AKR1C3: variants seen among roughly 807,000 people sequenced by gnomAD.
AKR1C3 encodes the protein 3-alpha hydroxysteroid dehydrogenase, type II.
AKR1C3 carries 48 observed loss-of-function variants against 43.6 expected under a neutral mutation model. The ratio of observed to expected loss-of-function variants is 1.10; its 90% CI spans 0.87 to 1.40. The LOEUF (loss-of-function observed/expected upper bound fraction) is 1.40, where lower values mean the gene tolerates loss of function less well. Among genes scored for constraint, AKR1C3 ranks in the 40% most tolerant of loss-of-function variants. The pLI is 0.00. For missense variants in AKR1C3, 482 were observed against 391.2 expected (o/e 1.23, Z -1.96); for synonymous variants, 162 against 139.6 (o/e 1.16, Z -1.13).
At chr10:5,065,117 T>C (rs1283822282) in intron 1 of AKR1C3, among the ~76,000 whole-genome samples, 6 of 152,136 alleles carry the variant, frequency 3.9e-5, no homozygotes, top group Non-Finnish European at 8.8e-5. Flanking sequence ...AAATAACAGG[T>C]GCTGCTAAGG....
At chr10:5,055,276 G>A (rs35705661) in intron 1 of AKR1C3, among the ~76,000 whole-genome samples, 20 of 152,212 alleles carry the variant, frequency 1.3e-4, no homozygotes, top group Non-Finnish European at 2.5e-4. Context: ...CATCTCAGAC[G>A]GCATAAATCT....
intron 1 of AKR1C3, among the ~76,000 whole-genome samples, chr10:5,078,947 C>T (rs1838774438): frequency 6.6e-6 from 1 of 152,170 alleles, no homozygotes; most frequent in African/African-American, 2.4e-5. Flanking sequence ...TTAACACTCA[C>T]TAGACGTGTT....
At chr10:5,058,806 C>T (rs1343019833) in intron 1 of AKR1C3, among the ~76,000 whole-genome samples, 1 of 152,080 alleles carries the variant, frequency 6.6e-6, no homozygotes. Context: ...AAACCTGCAC[C>T]CTTGCCTGTC....
At chr10:5,103,383 G>A (rs1178317752) in intron 7 of AKR1C3, among the ~76,000 whole-genome samples, 2 of 151,746 alleles carry the variant, frequency 1.3e-5, no homozygotes, top group Non-Finnish European at 2.9e-5. Context: ...TTAAGTATAG[G>A]AGACCATAAT....
At chr10:5,095,471 C>CA (rs1468963309) in intron 1 of AKR1C3, among the ~76,000 whole-genome samples, 1 of 142,766 alleles carries the variant, frequency 7.0e-6, no homozygotes, top group Non-Finnish European at 1.5e-5. Flanking sequence ...AGACTGCTCT[C>CA]AAAAAAGATT....
At position 5,099,436 on chromosome 10, in the gene AKR1C3, C is replaced by T; in HGVS notation, c.557C>T (p.Pro186Leu). The change falls in exon 5 of 9, where the codon CCT becomes CTT. Residue 186 changes from proline to leucine, a missense_variant. Pro to Leu is a moderately conservative substitution (Grantham distance 98). Transcript: ENST00000380554. ...AACAAGCCAGGACTCAAGTACAAGCCTGTCTGCAACCAGGTGAGCTCCCTT... is the reference window on the plus strand; with the variant it reads ...AACAAGCCAGGACTCAAGTACAAGCTTGTCTGCAACCAGGTGAGCTCCCTT... ...ILNKPGLKYK[P>L]VCNQVECHPY... 6.2e-7 allele frequency: 1 copy of T among 1,614,200 alleles called. No homozygotes were observed. The highest frequency in any genetic ancestry group is 2.2e-5 in the East Asian group (1 of 44,876).
intron 3 of AKR1C3, chr10:5,097,985 C>A: frequency 9.8e-7 from 1 of 1,021,818 alleles, no homozygotes; most frequent in Non-Finnish European, 1.2e-6. Context: ...ATGCATGGTT[C>A]TTAAATTAGA....
At chr10:5,083,344 T>G (rs1213224355) in intron 1 of AKR1C3, among the ~76,000 whole-genome samples, 1 of 152,144 alleles carries the variant, frequency 6.6e-6, no homozygotes, top group Non-Finnish European at 1.5e-5. Context: ...TTTTTGTCCT[T>G]GTGATAGTTG....
At position 5,102,115 on chromosome 10, in the gene AKR1C3, G is replaced by A. The variant is rs782690929; in HGVS notation, c.585G>A (p.Pro195=). 39 of 1,612,216 alleles carry A rather than the reference G, an allele frequency of 2.4e-5. No individual in the cohort carries two copies. Among genetic ancestry groups the A allele is most frequent in the African/African-American group, 4.0e-5 (3 of 74,828 alleles). Residue 195 remains proline (P), a synonymous_variant, in exon 6 of 9, where the codon CCG becomes CCA. Coordinates refer to ENST00000380554, the MANE Select transcript of AKR1C3 (RefSeq NM_003739.6). Reference sequence around the variant, plus strand: ...GTCAACTGCAGGTAGAATGTCATCCGTATTTCAACCGGAGTAAATTGCTAG... The same window carrying A: ...GTCAACTGCAGGTAGAATGTCATCCATATTTCAACCGGAGTAAATTGCTAG... ...KPVCNQVECH[P]YFNRSKLLDF... is the part of the protein sequence containing the mutation.
intron 5 of AKR1C3, 147 bp from the exon 6 acceptor site, chr10:5,101,954 A>G (rs1406046066): frequency 3.0e-5 from 17 of 566,296 alleles, no homozygotes; most frequent in Non-Finnish European, 5.0e-5. Flanking sequence ...ATTTATTTCT[A>G]TGAAAAAGGT....
At chr10:5,082,645 C>T (rs1838862802) in intron 1 of AKR1C3, among the ~76,000 whole-genome samples, 1 of 152,028 alleles carries the variant, frequency 6.6e-6, no homozygotes. Flanking sequence ...GGAATGAAAT[C>T]CATTTGGTCA....
chr10:5,090,251 C>T (rs1311858124), upstream of AKR1C3, among the ~76,000 whole-genome samples: 2 of 151,990 alleles, frequency 1.3e-5, no homozygotes, highest in East Asian at 1.9e-4. Flanking sequence ...GCAAATACCC[C>T]AGTGATGAGC....
chr10:5,071,192 G>T (rs1838607232), intron 1 of AKR1C3, among the ~76,000 whole-genome samples: 1 of 152,192 alleles, frequency 6.6e-6, no homozygotes, highest in Admixed American at 6.5e-5. Flanking sequence ...TTGGCTAATG[G>T]CTCCAGAGGC....
intron 1 of AKR1C3, among the ~76,000 whole-genome samples, chr10:5,066,257 G>T (rs1838499256): frequency 6.6e-6 from 1 of 152,138 alleles, no homozygotes; most frequent in Non-Finnish European, 1.5e-5. Flanking sequence ...GGTTTGGTTT[G>T]GTCTGTTGAG....
At position 5,100,363 on chromosome 10, in the gene AKR1C3, A is replaced by C. The variant is rs145177061; in HGVS notation, c.570+914A>C. On this transcript the variant is annotated intron_variant, in intron 5 of 8. Coordinates refer to ENST00000380554, the MANE Select transcript of AKR1C3 (RefSeq NM_003739.6). ...ACAGTGGATGAAATCAACACTGAGG[A>C]ACTTTAGCAGAACATAGACCTGACC... 1.3e-4 allele frequency among the ~76,000 whole-genome samples: 20 copies of C among 152,344 alleles called. No homozygotes were observed. In the East Asian group the frequency reaches 3.9e-3, roughly 29 times the overall value.
At chr10:5,062,252 G>C (rs569840752) in intron 1 of AKR1C3, among the ~76,000 whole-genome samples, 2 of 152,194 alleles carry the variant, frequency 1.3e-5, no homozygotes, top group Admixed American at 6.5e-5. Context: ...GCTTTCTCAA[G>C]TCAGGTCTCC....
At chr10:5,051,516 G>A (rs781957113) in intron 1 of AKR1C3, among the ~76,000 whole-genome samples, 14 of 152,172 alleles carry the variant, frequency 9.2e-5, no homozygotes, top group Non-Finnish European at 1.8e-4. Flanking sequence ...CCAGCAATCA[G>A]AATATGAACT....
Position 5,107,525 on chromosome 10 carries a change from T to TCTACC in AKR1C3, c.*23_*27dup. 1 of 1,569,782 alleles carries TCTACC rather than the reference T, an allele frequency of 6.4e-7. No individual in the cohort carries two copies. Among genetic ancestry groups the TCTACC allele is most frequent in the Non-Finnish European group, 8.8e-7 (1 of 1,141,138 alleles). On this transcript the variant is annotated 3_prime_UTR_variant, in exon 9 of 9. Coordinates refer to ENST00000380554, the MANE Select transcript of AKR1C3 (RefSeq NM_003739.6). The stretch of plus-strand genomic sequence containing the variant: ...TTAACATGGAGGGCTTTGCCTGATG[T>TCTACC]CTACCAGAAGCCCTGTGTGTGGATG...
intron 1 of AKR1C3, among the ~76,000 whole-genome samples, chr10:5,075,920 G>A (rs1838708049): frequency 6.6e-6 from 1 of 150,640 alleles, no homozygotes; most frequent in Admixed American, 6.6e-5. Flanking sequence ...GGGCTCGGAT[G>A]TATTACTAGG....
Sources: allele counts gnomAD v4.1 joint callset (sites outside exome capture counted in the v4.1 genomes callset), GRCh38; gene constraint gnomAD v4.1.1; transcripts MANE v1.5; gene names NCBI Gene and HGNC (gene_info 2026-07-23, HGNC 2026-07-21).